MOV10L1: variants seen among roughly 807,000 people sequenced by gnomAD.
MOV10L1 encodes the protein RNA helicase Mov10l1.
A neutral mutation model predicts 143.8 loss-of-function variants in MOV10L1; 110 were observed. That is an observed-to-expected ratio of 0.76 (90% confidence interval 0.66 to 0.90). MOV10L1 has a LOEUF of 0.90. MOV10L1 is among the 40% of genes least tolerant of loss of function. MOV10L1 has a pLI of 0.00. For synonymous variants in MOV10L1, 593 were observed against 581.1 expected (o/e 1.02, Z -0.29); for missense variants, 1,406 against 1,526.8 (o/e 0.92, Z 1.32).
At chr22:50,131,578 G>T (rs1343826752) in intron 13 of MOV10L1, among the ~76,000 whole-genome samples, 1 of 152,020 alleles carries the variant, frequency 6.6e-6, no homozygotes, top group African/African-American at 2.4e-5. Context: ...TGTACATTTA[G>T]GATTATGATC....
intron 22 of MOV10L1, among the ~76,000 whole-genome samples, chr22:50,156,726 G>T (rs148472820): frequency 6.6e-6 from 1 of 152,294 alleles, no homozygotes; most frequent in Non-Finnish European, 1.5e-5. Context: ...GGGCTGAGTA[G>T]CATTGTATTG....
intron 22 of MOV10L1, 98 bp downstream of exon 22, chr22:50,153,316 C>A: frequency 7.3e-7 from 1 of 1,370,548 alleles, no homozygotes; most frequent in Non-Finnish European, 1.0e-6. Flanking sequence ...CTGCCTGTGG[C>A]GGGGCAGATG....
Position 50,099,426 on chromosome 22 carries a change from G to C in MOV10L1, c.283-17G>C. The C allele has an allele frequency of 6.2e-7, 1 of 1,612,554 alleles. No homozygotes were observed. Among genetic ancestry groups the C allele is most frequent in the Non-Finnish European group, 8.5e-7 (1 of 1,178,886 alleles). On this transcript the variant is annotated splice_polypyrimidine_tract_variant and intron_variant, in intron 2 of 26. Coordinates refer to ENST00000262794, the MANE Select transcript of MOV10L1 (RefSeq NM_018995.3). ...AGTTCTCGTATTATGGTTTAGAGCG[G>C]TGTGTTTGTTTTACAGGTAGAAGCT...
chr22:50,125,268 G>T lies in MOV10L1; in HGVS notation c.1570-124G>T. ...TGAGGCACCTGCAGACTCCGGCGAG[G>T]ATCGCCCCACCTGGGGGGCCATCTG... On this transcript the variant is annotated intron_variant, in intron 10 of 26. Transcript: ENST00000262794. 3.2e-6 allele frequency: 3 copies of T among 937,898 alleles called. No individual in the cohort carries two copies. The South Asian group carries it at 4.8e-5, about 15-fold the overall frequency. 58.1% of individuals were successfully genotyped at this position (937,898 alleles called of 1,614,324 possible).
chr22:50,137,863 T>A (rs1421743947), intron 15 of MOV10L1, among the ~76,000 whole-genome samples: 1 of 140,770 alleles, frequency 7.1e-6, no homozygotes, highest in African/African-American at 2.5e-5. Flanking sequence ...TACATATTTT[T>A]ATATATACAC....
In MOV10L1 at chr22:50,149,996, C is replaced by T. The variant is rs183139345; in HGVS notation, c.2727+282C>T. On this transcript the variant is annotated intron_variant, in intron 20 of 26. Transcript: ENST00000262794. ...AATGTGGTCCCTGCTCTGGGTGAGCCGGCCGTTCAGTGCCTGGAGGGGCGG... is the reference window on the plus strand; with the variant it reads ...AATGTGGTCCCTGCTCTGGGTGAGCTGGCCGTTCAGTGCCTGGAGGGGCGG... Among the ~76,000 whole-genome samples the T allele has an allele frequency of 3.8e-3, 580 of 152,306 alleles. 6 individuals are homozygous for T. Among genetic ancestry groups the T allele is most frequent in the African/African-American group, 0.013 (553 of 41,566 alleles).
intron 1 of MOV10L1, chr22:50,090,979 C>A: frequency 1.1e-5 from 2 of 180,986 alleles, no homozygotes; most frequent in Non-Finnish European, 1.3e-5. Context: ...CCCGACCTCT[C>A]CCGAGGTTCT....
At chr22:50,103,101 C>T (rs1337572811) in intron 3 of MOV10L1, among the ~76,000 whole-genome samples, 1 of 152,110 alleles carries the variant, frequency 6.6e-6, no homozygotes, top group Admixed American at 6.5e-5. Flanking sequence ...GTCCTAAACA[C>T]AACCCTCTGA....
At chr22:50,095,048 A>T (rs2062554507) in intron 2 of MOV10L1, 1 of 152,162 alleles carries the variant, frequency 6.6e-6, no homozygotes, top group Non-Finnish European at 1.5e-5. Context: ...AAAATAAATA[A>T]ATAAAAGTGT....
chr22:50,119,288 A>T (rs904799186), intron 9 of MOV10L1, among the ~76,000 whole-genome samples: 1 of 152,126 alleles, frequency 6.6e-6, no homozygotes, highest in Non-Finnish European at 1.5e-5. Flanking sequence ...TGGCTCGAGC[A>T]CACCTGGAGC....
intron 18 of MOV10L1, 96 bp from the exon 19 acceptor site, chr22:50,145,593 G>C: frequency 6.7e-7 from 1 of 1,489,178 alleles, no homozygotes; most frequent in Non-Finnish European, 9.2e-7. Flanking sequence ...TCATGACTTA[G>C]ACGTAACTAA....
chr22:50,126,262 A>G lies in MOV10L1; in HGVS notation c.1808A>G (p.Tyr603Cys), dbSNP rs1179082857. 2 of 1,612,042 alleles carry G rather than the reference A, an allele frequency of 1.2e-6. No individual in the cohort carries two copies. Among genetic ancestry groups the G allele is most frequent in the African/African-American group, 1.3e-5 (1 of 74,900 alleles). ...GGACATGCCATCGAATACATCAGCT[A>G]CGTGACTGAGGTGAGAGCACTCTCT... Reference protein sequence around the residue: ...YNGHAIEYISYVTEIHEEDVT... With the variant: ...YNGHAIEYISCVTEIHEEDVT... Residue 603 changes from tyrosine to cysteine, a missense_variant, in exon 12 of 27, where the codon TAC becomes TGC. Physicochemically the swap from Tyr to Cys is radical, Grantham distance 194 (BLOSUM62 -2). This residue lies in a region of MOV10L1 where 1,233 missense variants were observed against 1,351.4 expected (regional missense o/e 0.91). Transcript: ENST00000262794.
At chr22:50,115,657 C>T (rs777159025) in intron 8 of MOV10L1, among the ~76,000 whole-genome samples, 4 of 152,196 alleles carry the variant, frequency 2.6e-5, no homozygotes, top group Non-Finnish European at 5.9e-5. Flanking sequence ...GGCAATGGAT[C>T]CTGTAACTTC....
Position 50,159,713 on chromosome 22 carries a change from T to A in MOV10L1, c.3252T>A (p.Asp1084Glu), listed in dbSNP as rs145171559. Reference sequence around the variant, plus strand: ...TCAGAATTCTTTTGCGTAATGTTGATCTGATGGATATAAAGGTTGGATCAG... The same window carrying A: ...TCAGAATTCTTTTGCGTAATGTTGAACTGATGGATATAAAGGTTGGATCAG... The part of the protein sequence containing the change: ...EKIRILLRNV[D>E]LMDIKVGSVE... The change falls in exon 24 of 27, where the codon GAT becomes GAA. Residue 1084 changes from aspartate to glutamate, a missense_variant. Coordinates refer to ENST00000262794, the MANE Select transcript of MOV10L1 (RefSeq NM_018995.3). The surrounding 1 kb of genome is among the most constrained non-coding windows in gnomAD (Gnocchi z 4.1). 1 of 1,613,334 alleles carries A rather than the reference T, an allele frequency of 6.2e-7. No homozygotes were observed. The highest frequency in any genetic ancestry group is 1.3e-5 in the African/African-American group (1 of 75,006).
intron 15 of MOV10L1, among the ~76,000 whole-genome samples, chr22:50,140,560 A>C (rs2062953551): frequency 6.6e-6 from 1 of 152,134 alleles, no homozygotes; most frequent in African/African-American, 2.4e-5. Flanking sequence ...TGATGAGCTG[A>C]AAAAAATATG....
intron 10 of MOV10L1, among the ~76,000 whole-genome samples, chr22:50,123,545 C>T (rs1240914827): frequency 6.6e-6 from 1 of 152,146 alleles, no homozygotes; most frequent in Admixed American, 6.5e-5. Context: ...TTTTCATATG[C>T]TGCTGAATTT....
In MOV10L1 at chr22:50,137,748, T is replaced by C. The variant is rs200700085; in HGVS notation, c.2070+3118T>C. Among the ~76,000 whole-genome samples, 23 of 123,438 alleles carry C rather than the reference T, an allele frequency of 1.9e-4. No homozygotes were observed. The East Asian group carries it at 3.7e-3, about 20-fold the overall frequency. 81.0% of individuals were successfully genotyped at this position (123,438 alleles called of 152,430 possible). A position where few individuals can be genotyped will look rare whatever the true frequency, so the allele number is the denominator to read the frequency against. ...TACACATATATATATTTTATATATATACATATATAAATATACATATTTTAT... is the reference window on the plus strand; with the variant it reads ...TACACATATATATATTTTATATATACACATATATAAATATACATATTTTAT... On this transcript the variant is annotated intron_variant, in intron 15 of 26. Transcript: ENST00000262794.
Position 50,118,036 on chromosome 22 carries a change from C to T in MOV10L1, c.1454+685C>T, listed in dbSNP as rs146471731. Among the ~76,000 whole-genome samples the T allele has an allele frequency of 6.6e-5, 10 of 152,242 alleles. No homozygotes were observed. In the East Asian group the frequency reaches 1.2e-3, roughly 18 times the overall value. ...CTGATGGGTTTGAGCTCTGCTACTA[C>T]CCCAGACCTCCCTGAGGGTGAGGTG... On this transcript the variant is annotated intron_variant, in intron 9 of 26. Transcript: ENST00000262794.
intron 5 of MOV10L1, 93 bp downstream of exon 5, chr22:50,108,937 G>A (rs971903449): frequency 2.3e-6 from 3 of 1,279,700 alleles, no homozygotes; most frequent in Non-Finnish European, 3.3e-6. Context: ...CTGAGGTTGG[G>A]AGTTCAAGAC....
Sources: allele counts gnomAD v4.1 joint callset (sites outside exome capture counted in the v4.1 genomes callset), GRCh38; gene constraint gnomAD v4.1.1; regional missense constraint gnomAD v4.1.1; non-coding constraint Gnocchi (gnomAD v3.1); transcripts MANE v1.5; gene names NCBI Gene and HGNC (gene_info 2026-07-23, HGNC 2026-07-21).